Variants in NEBL observed in about 807,000 individuals in gnomAD.
The protein encoded by NEBL is LIM and SH3 protein 2.
A neutral mutation model predicts 140.2 loss-of-function variants in NEBL; 122 were observed. The observed-to-expected ratio is 0.87, with a 90% CI of 0.75 to 1.01. The LOEUF (loss-of-function observed/expected upper bound fraction) is 1.01. NEBL is among the 50% of genes least tolerant of loss of function. The pLI is 0.00. For missense variants in NEBL, 1,365 were observed against 1,231.3 expected (o/e 1.11, Z -1.62); for synonymous variants, 436 against 398.9 (o/e 1.09, Z -1.11).
intron 4 of NEBL, among the ~76,000 whole-genome samples, chr10:20,915,340 G>A (rs1460385318): frequency 6.6e-6 from 1 of 150,880 alleles, no homozygotes; most frequent in African/African-American, 2.4e-5. Flanking sequence ...GTGCCATGCT[G>A]GTGCGCTGCA....
chr10:21,047,833 C>T (rs546569411), intron 2 of NEBL, among the ~76,000 whole-genome samples: 222 of 152,202 alleles, frequency 1.5e-3, no homozygotes, highest in Non-Finnish European at 2.7e-3. Flanking sequence ...CCCCGCATGC[C>T]CGAGCAATAT....
At chr10:21,074,856 T>TACAGTGGCGAGATC (rs1328720286) in intron 2 of NEBL, among the ~76,000 whole-genome samples, 1 of 151,612 alleles carries the variant, frequency 6.6e-6, no homozygotes, top group Non-Finnish European at 1.5e-5. Context: ...CAGGCTGGAG[T>TACAGTGGCGAGATC]ACAGTGGCGA....
rs71390798 is a variant in NEBL at position 20,914,969 on chromosome 10, A to ATTTTTTTTTTTTTTTTTTTT, written c.357+46702_357+46703insAAAAAAAAAAAAAAAAAAAA. Among the ~76,000 whole-genome samples the ATTTTTTTTTTTTTTTTTTTT allele has an allele frequency of 4.6e-4, 51 of 111,200 alleles. 5 individuals are homozygous for ATTTTTTTTTTTTTTTTTTTT. Among genetic ancestry groups the ATTTTTTTTTTTTTTTTTTTT allele is most frequent in the African/African-American group, 1.6e-3 (47 of 29,222 alleles). The allele number at this position is 111,200 out of a possible 152,430, so 73.0% of individuals were successfully genotyped here. A position where few individuals can be genotyped will look rare whatever the true frequency, so the allele number is the denominator to read the frequency against. On this transcript the variant is annotated intron_variant, in intron 4 of 6. Coordinates refer to the NEBL transcript ENST00000417816. ...TACCTCTGCCTCCCAAGTGGCTGGG[A>ATTTTTTTTTTTTTTTTTTTT]TTTTTTTTTTTTTTGGAGAGATGGG... is the stretch of plus-strand genomic sequence containing the variant.
chr10:20,920,490 G>A (rs576433723), intron 4 of NEBL, among the ~76,000 whole-genome samples: 36 of 152,198 alleles, frequency 2.4e-4, no homozygotes, highest in Non-Finnish European at 3.7e-4. Context: ...TACCGCTAAG[G>A]AGTCCAGGAT....
At chr10:20,960,888 G>GA (rs994351404) in intron 4 of NEBL, among the ~76,000 whole-genome samples, 2 of 152,074 alleles carry the variant, frequency 1.3e-5, no homozygotes, top group African/African-American at 4.8e-5. Flanking sequence ...CAGTTCTCGT[G>GA]AAAAATGGTA....
At chr10:20,926,223 T>C (rs1181088047) in intron 4 of NEBL, among the ~76,000 whole-genome samples, 1 of 152,198 alleles carries the variant, frequency 6.6e-6, no homozygotes, top group Non-Finnish European at 1.5e-5. Context: ...TTGCTGCAGA[T>C]TCATTTCTGA....
chr10:21,050,839 G>C (rs1173594925), intron 2 of NEBL, among the ~76,000 whole-genome samples: 1 of 152,200 alleles, frequency 6.6e-6, no homozygotes, highest in Admixed American at 6.5e-5. Context: ...CCATTTGGCT[G>C]TAGGGGCTGT....
intron 14 of NEBL, among the ~76,000 whole-genome samples, chr10:20,833,480 T>A (rs560075499): frequency 6.9e-4 from 105 of 152,248 alleles, no homozygotes; most frequent in African/African-American, 2.2e-3. Context: ...AAATGAGATT[T>A]TTATTATTAT....
intron 2 of NEBL, among the ~76,000 whole-genome samples, chr10:21,108,481 T>A (rs897227174): frequency 6.6e-6 from 1 of 152,122 alleles, no homozygotes; most frequent in Non-Finnish European, 1.5e-5. Flanking sequence ...TTTGAGGGAG[T>A]TTATTAATCC....
chr10:21,139,371 T>C (rs1259003326), intron 2 of NEBL, among the ~76,000 whole-genome samples: 1 of 152,096 alleles, frequency 6.6e-6, no homozygotes, highest in Admixed American at 6.5e-5. Flanking sequence ...ATGCAGAATG[T>C]AATCAAGCAG....
chr10:20,835,939 A>C (rs1377941534), intron 13 of NEBL, among the ~76,000 whole-genome samples: 1 of 152,220 alleles, frequency 6.6e-6, no homozygotes, highest in Non-Finnish European at 1.5e-5. Flanking sequence ...CTGTTGTACA[A>C]AACAGATGAA....
rs557962685 is a variant in NEBL at position 21,029,081 on chromosome 10, G to A, written c.165-8880C>T. The A allele has an allele frequency of 2.6e-6, 3 of 1,152,174 alleles. No homozygotes were observed. In the African/African-American group the frequency reaches 4.5e-5, roughly 17 times the overall value. The allele number at this position is 1,152,174 out of a possible 1,614,324, so 71.4% of individuals were successfully genotyped here. The stretch of plus-strand genomic sequence containing the variant: ...TTTCTAGCTGAGGACTGGGGGACTG[G>A]TGGAGGAAGCACCTATGTTTCCAAA... On this transcript the variant is annotated intron_variant, in intron 2 of 6. Transcript: ENST00000417816.
chr10:21,015,099 A>C (rs1242504117), intron 3 of NEBL, among the ~76,000 whole-genome samples: 3 of 152,246 alleles, frequency 2.0e-5, no homozygotes, highest in Admixed American at 1.3e-4. Flanking sequence ...GATTGCAAAT[A>C]GCTAAGCCAA....
chr10:21,122,381 A>G (rs912331212), intron 2 of NEBL, among the ~76,000 whole-genome samples: 5 of 151,716 alleles, frequency 3.3e-5, no homozygotes, highest in Non-Finnish European at 5.9e-5. Context: ...CGGTGCCACT[A>G]AGTCAAAACT....
intron 12 of NEBL, among the ~76,000 whole-genome samples, chr10:20,842,493 C>T (rs1336446086): frequency 1.3e-5 from 2 of 152,010 alleles, no homozygotes; most frequent in African/African-American, 2.4e-5. Context: ...AAGCTAAATG[C>T]TTACACTTAC....
At chr10:21,211,044 C>A (rs556987002) in intron 3 of NEBL, among the ~76,000 whole-genome samples, 3 of 152,292 alleles carry the variant, frequency 2.0e-5, no homozygotes, top group South Asian at 4.1e-4. Context: ...GTCACGTTTT[C>A]TTTGACATGG....
chr10:21,211,532 A>G (rs1207372940), intron 3 of NEBL, among the ~76,000 whole-genome samples: 1 of 152,108 alleles, frequency 6.6e-6, no homozygotes, highest in Non-Finnish European at 1.5e-5. Flanking sequence ...CTCCTGAGTT[A>G]GCTGATGTGT....
At chr10:21,191,523 A>G (rs1841573689) in intron 3 of NEBL, among the ~76,000 whole-genome samples, 1 of 152,140 alleles carries the variant, frequency 6.6e-6, no homozygotes, top group African/African-American at 2.4e-5. Flanking sequence ...TTTTCCTATC[A>G]ATGGAAGTTC....
intron 2 of NEBL, among the ~76,000 whole-genome samples, chr10:21,152,499 C>G (rs1461118067): frequency 2.6e-5 from 4 of 151,618 alleles, no homozygotes; most frequent in Non-Finnish European, 5.9e-5. Context: ...CACCTGAGCC[C>G]AGGAGTTCAA....
Sources: allele counts gnomAD v4.1 joint callset (sites outside exome capture counted in the v4.1 genomes callset), GRCh38; gene constraint gnomAD v4.1.1; transcripts MANE v1.5; gene names NCBI Gene and HGNC (gene_info 2026-07-23, HGNC 2026-07-21).